SLC35D1: variants seen among roughly 807,000 people sequenced by gnomAD.
SLC35D1 encodes solute carrier family 35 member D1, also known as nucleotide sugar transporter SLC35D1.
In SLC35D1, 31 loss-of-function variants were observed where a neutral mutation model predicts 46.7. The ratio of observed to expected loss-of-function variants is 0.66; its 90% CI spans 0.50 to 0.90. The LOEUF (loss-of-function observed/expected upper bound fraction) is 0.90. SLC35D1 is among the 40% of genes least tolerant of loss of function. The pLI is 0.00. For missense variants in SLC35D1, 397 were observed against 426.2 expected, an observed-to-expected ratio of 0.93 and a Z score of 0.60; for synonymous variants, 195 against 164.6, an observed-to-expected ratio of 1.18 and a Z score of -1.41.
At chr1:66,973,063 T>C in the SLC35D1 span, 2 of 790,758 alleles carry the variant, frequency 2.5e-6, no homozygotes, top group Non-Finnish European at 4.3e-6. Flanking sequence ...GTATCGTAAT[T>C]TGTTATATTG....
Position 67,001,892 on chromosome 1 carries a change from G to C in SLC35D1, c.*2448C>G, listed in dbSNP as rs1363754731. 1 of 152,382 alleles carries C rather than the reference G, an allele frequency of 6.6e-6. No individual in the cohort carries two copies. The highest frequency in any genetic ancestry group is 2.4e-5 in the African/African-American group (1 of 41,436). 9.4% of individuals were successfully genotyped at this position (152,382 alleles called of 1,614,324 possible). On this transcript the variant is annotated 3_prime_UTR_variant, in exon 12 of 12. Coordinates refer to ENST00000235345, the MANE Select transcript of SLC35D1 (RefSeq NM_015139.3). ...CAGCCAGAAGTTTCAGCATAAGCCAGGGCTCCCAAGGCACAGAAGCCTGTC... is the reference window on the plus strand; with the variant it reads ...CAGCCAGAAGTTTCAGCATAAGCCACGGCTCCCAAGGCACAGAAGCCTGTC...
intron 6 of SLC35D1, among the ~76,000 whole-genome samples, chr1:67,048,529 A>C (rs1371081866): frequency 6.6e-6 from 1 of 152,206 alleles, no homozygotes; most frequent in Non-Finnish European, 1.5e-5. Context: ...TCTTTTTTTT[A>C]GAATGAAATT....
chr1:67,009,245 T>C, intron 10 of SLC35D1, 78 bp from the exon 11 acceptor site: 1 of 511,572 alleles, frequency 2.0e-6, no homozygotes, highest in Non-Finnish European at 3.5e-6. Flanking sequence ...CATCCAAATA[T>C]CTGTCCTTAA....
intron 8 of SLC35D1, among the ~76,000 whole-genome samples, chr1:67,034,667 GC>G (rs1219462958): frequency 6.6e-6 from 1 of 151,982 alleles, no homozygotes; most frequent in Non-Finnish European, 1.5e-5. Flanking sequence ...CAATCTGGAT[GC>G]CCTTTCTTTC....
At chr1:67,045,322 C>T (rs1010956723) in intron 7 of SLC35D1, among the ~76,000 whole-genome samples, 11 of 152,214 alleles carry the variant, frequency 7.2e-5, no homozygotes, top group East Asian at 3.8e-4. Context: ...TACACTGTTA[C>T]GCATCATAAA....
At chr1:66,987,337 G>C in the SLC35D1 span, 1 of 152,596 alleles carries the variant, frequency 6.6e-6, no homozygotes, top group Non-Finnish European at 1.5e-5. Flanking sequence ...TTGAACTTTT[G>C]ACAAATTGCA....
chr1:67,033,721 G>A (rs770999134), intron 8 of SLC35D1, among the ~76,000 whole-genome samples: 19 of 152,072 alleles, frequency 1.2e-4, no homozygotes, highest in Non-Finnish European at 2.4e-4. Flanking sequence ...TTTTACTTTG[G>A]TTGTCTGTGC....
the SLC35D1 span, among the ~76,000 whole-genome samples, chr1:66,979,972 C>T: frequency 6.6e-6 from 1 of 152,082 alleles, no homozygotes; most frequent in African/African-American, 2.4e-5. Flanking sequence ...CCATGTTGGT[C>T]AGGCTGGTCT....
the SLC35D1 span, chr1:66,985,833 TTTTTA>T: frequency 5.0e-4 from 417 of 830,350 alleles, no homozygotes; most frequent in South Asian, 9.9e-4. Context: ...TTTTTTTTTT[TTTTTA>T]AATTTCTACT....
At position 67,038,854 on chromosome 1, in the gene SLC35D1, A is replaced by ACAC. The variant is rs1558162811; in HGVS notation, c.729+3381_729+3382insGTG. Among the ~76,000 whole-genome samples the ACAC allele has an allele frequency of 3.4e-3, 433 of 128,068 alleles. 1 individual carries two copies. Among genetic ancestry groups the ACAC allele is most frequent in the East Asian group, 7.8e-3 (39 of 4,990 alleles). The allele number at this position is 128,068 out of a possible 152,430, so 84.0% of individuals were successfully genotyped here. ...ATGTATACACACACACACACACACA[A>ACAC]ACACACACACAACTAGTTTGGTTTC... On this transcript the variant is annotated intron_variant, in intron 8 of 11. Coordinates refer to ENST00000235345, the MANE Select transcript of SLC35D1 (RefSeq NM_015139.3).
the SLC35D1 span, among the ~76,000 whole-genome samples, chr1:66,983,523 A>G: frequency 1.7e-4 from 26 of 152,362 alleles, no homozygotes; most frequent in African/African-American, 6.3e-4. Flanking sequence ...AGTCAACTCT[A>G]AAATGAACTT....
At position 66,999,712 on chromosome 1, in the gene SLC35D1, G is replaced by A. The variant is rs1399775265; in HGVS notation, c.*4628C>T. 6.6e-6 allele frequency: 1 copy of A among 151,672 alleles called. No homozygotes were observed. Among genetic ancestry groups the A allele is most frequent in the East Asian group, 1.9e-4 (1 of 5,186 alleles). 9.4% of individuals were successfully genotyped at this position (151,672 alleles called of 1,614,324 possible). A position where few individuals can be genotyped will look rare whatever the true frequency, so the allele number is the denominator to read the frequency against. On this transcript the variant is annotated 3_prime_UTR_variant, in exon 12 of 12. Transcript: ENST00000235345. ...TTAAAAAAAAAAAAACTACAACACT[G>A]TAAACTATATCCTCATGCCATGAAG...
chr1:67,016,909 C>T (rs967275317), intron 10 of SLC35D1, among the ~76,000 whole-genome samples: 3 of 152,142 alleles, frequency 2.0e-5, no homozygotes, highest in African/African-American at 7.2e-5. Flanking sequence ...CTTGTCTACA[C>T]AGTTCCTTTA....
At chr1:67,030,809 T>C (rs1668003646) in intron 8 of SLC35D1, among the ~76,000 whole-genome samples, 1 of 152,190 alleles carries the variant, frequency 6.6e-6, no homozygotes, top group African/African-American at 2.4e-5. Context: ...GGCTTCCTGA[T>C]AATCAAGCAG....
At chr1:67,045,277 G>A (rs1645239816) in intron 7 of SLC35D1, among the ~76,000 whole-genome samples, 1 of 152,116 alleles carries the variant, frequency 6.6e-6, no homozygotes, top group South Asian at 2.1e-4. Flanking sequence ...TAGATTTAGG[G>A]CATCATCATA....
intron 6 of SLC35D1, 83 bp from the exon 7 acceptor site, chr1:67,047,450 A>G (rs1645264360): frequency 4.4e-6 from 5 of 1,146,294 alleles, no homozygotes; most frequent in South Asian, 1.3e-5. Flanking sequence ...AATATTTACA[A>G]GAACATATTC....
intron 7 of SLC35D1, among the ~76,000 whole-genome samples, chr1:67,044,111 G>A (rs540168319): frequency 2.2e-4 from 33 of 152,096 alleles, no homozygotes; most frequent in East Asian, 1.9e-4. Context: ...CAAGACAGGC[G>A]GATCGCCTGA....
chr1:67,008,608 A>G (rs1413519544), intron 11 of SLC35D1, among the ~76,000 whole-genome samples: 1 of 152,178 alleles, frequency 6.6e-6, no homozygotes, highest in South Asian at 2.1e-4. Flanking sequence ...CTTCAAAAGC[A>G]AGGCAAACAC....
intron 10 of SLC35D1, among the ~76,000 whole-genome samples, chr1:67,019,971 A>G (rs182906803): frequency 4.4e-4 from 67 of 152,134 alleles, no homozygotes; most frequent in South Asian, 2.1e-4. Flanking sequence ...AACCCCCCCA[A>G]TTAGCTTCTG....
Sources: allele counts gnomAD v4.1 joint callset (sites outside exome capture counted in the v4.1 genomes callset), GRCh38; gene constraint gnomAD v4.1.1; transcripts MANE v1.5; gene names NCBI Gene and HGNC (gene_info 2026-07-23, HGNC 2026-07-21).